CA10: variants seen among roughly 807,000 people sequenced by gnomAD.
The protein encoded by CA10 is carbonic anhydrase 10 (inactive).
A neutral mutation model predicts 44.2 loss-of-function variants in CA10; 14 were observed. That is an observed-to-expected ratio of 0.32 (90% CI 0.21 to 0.50). CA10 has a LOEUF of 0.50. Among genes scored for constraint, CA10 ranks in the 20% least tolerant of loss-of-function variants. CA10 has a pLI of 0.99. For synonymous variants in CA10, 159 were observed against 141.6 expected, an observed-to-expected ratio of 1.12 and a Z score of -0.87; for missense variants, 350 against 409.7, an observed-to-expected ratio of 0.85 and a Z score of 1.26.
chr17:52,118,740 A>G (rs926760987), intron 1 of CA10, among the ~76,000 whole-genome samples: 1 of 152,198 alleles, frequency 6.6e-6, no homozygotes, highest in Non-Finnish European at 1.5e-5. Flanking sequence ...TAAGGTTGAT[A>G]TTATGTTAAG....
intron 1 of CA10, among the ~76,000 whole-genome samples, chr17:52,096,406 T>C (rs567795452): frequency 2.0e-5 from 3 of 152,290 alleles, no homozygotes; most frequent in East Asian, 1.9e-4. Flanking sequence ...CTGGTCTATC[T>C]TGTTTTCCCC....
intron 3 of CA10, among the ~76,000 whole-genome samples, chr17:51,842,553 C>G (rs1163589994): frequency 2.0e-5 from 3 of 152,156 alleles, no homozygotes; most frequent in Admixed American, 6.5e-5. Flanking sequence ...TATGTTACAT[C>G]ATGCGCAGTT....
chr17:51,896,105 T>C (rs1336721312), intron 3 of CA10, among the ~76,000 whole-genome samples: 2 of 152,216 alleles, frequency 1.3e-5, no homozygotes, highest in South Asian at 2.1e-4. Context: ...AGCTTTTATA[T>C]TGGGTTCAGG....
chr17:52,135,036 C>T (rs1989324220), intron 1 of CA10: 2 of 509,030 alleles, frequency 3.9e-6, no homozygotes, highest in Non-Finnish European at 7.9e-6. Context: ...TCCTGACTGC[C>T]CTCCTGAGGT....
At chr17:51,653,790 G>T in intron 4 of CA10, 54 bp from the exon 5 acceptor site, 1 of 1,038,162 alleles carries the variant, frequency 9.6e-7, no homozygotes, top group Non-Finnish European at 1.5e-6. Flanking sequence ...TAAAAGGTAT[G>T]AGGCATAGCA....
intron 2 of CA10, among the ~76,000 whole-genome samples, chr17:52,056,713 T>A (rs542835780): frequency 1.3e-5 from 2 of 152,096 alleles, no homozygotes; most frequent in African/African-American, 4.8e-5. Context: ...GGTTAAAGCA[T>A]CCTGCTGTGT....
intron 1 of CA10, among the ~76,000 whole-genome samples, chr17:52,123,179 A>G (rs1989047556): frequency 6.6e-6 from 1 of 152,198 alleles, no homozygotes; most frequent in Non-Finnish European, 1.5e-5. Context: ...AGATATTTTG[A>G]AATACTGAGT....
intron 7 of CA10, among the ~76,000 whole-genome samples, chr17:51,634,496 T>C (rs1322509453): frequency 2.0e-5 from 3 of 152,182 alleles, no homozygotes; most frequent in Non-Finnish European, 2.9e-5. Context: ...ACTCCCACAG[T>C]CGTAGAATGT....
chr17:52,014,333 T>C (rs867006844), intron 2 of CA10, among the ~76,000 whole-genome samples: 17 of 152,060 alleles, frequency 1.1e-4, no homozygotes, highest in South Asian at 6.2e-4. Context: ...ACATGCATTA[T>C]GTGCAAAGTT....
At chr17:52,095,786 A>G (rs935929218) in intron 1 of CA10, among the ~76,000 whole-genome samples, 2 of 152,078 alleles carry the variant, frequency 1.3e-5, no homozygotes, top group African/African-American at 4.8e-5. Flanking sequence ...TCACTCCCCA[A>G]ACTCCAGCCT....
chr17:51,972,048 G>A (rs555464721), intron 2 of CA10, among the ~76,000 whole-genome samples: 2 of 151,786 alleles, frequency 1.3e-5, no homozygotes, highest in Non-Finnish European at 2.9e-5. Context: ...AGCCTCGGAG[G>A]AAGAAAAAGA....
At chr17:52,036,325 T>G (rs544077339) in intron 2 of CA10, among the ~76,000 whole-genome samples, 10 of 152,174 alleles carry the variant, frequency 6.6e-5, no homozygotes, top group Non-Finnish European at 1.5e-4. Flanking sequence ...AACTGTATCC[T>G]GGGTGCTGTG....
intron 2 of CA10, among the ~76,000 whole-genome samples, chr17:52,022,639 T>C (rs990228867): frequency 1.3e-5 from 2 of 151,712 alleles, no homozygotes; most frequent in Non-Finnish European, 1.5e-5. Context: ...AGAAATAAAA[T>C]GCATCCAAAT....
intron 2 of CA10, among the ~76,000 whole-genome samples, chr17:52,059,084 C>T (rs1326294947): frequency 1.3e-5 from 2 of 152,034 alleles, no homozygotes; most frequent in Non-Finnish European, 2.9e-5. Flanking sequence ...GAGAATATAT[C>T]CATTAAATTC....
At chr17:51,977,121 G>A (rs552745198) in intron 2 of CA10, among the ~76,000 whole-genome samples, 30 of 151,940 alleles carry the variant, frequency 2.0e-4, no homozygotes, top group African/African-American at 6.8e-4. Context: ...TTTAAGAGCT[G>A]TACAATATCC....
rs1295104181 is a variant in CA10, at chr17:51,630,897, C to CAAAG, written c.*683_*686dup. On this transcript the variant is annotated 3_prime_UTR_variant, in exon 9 of 9. Transcript: ENST00000451037. The stretch of plus-strand genomic sequence containing the variant: ...GGCAAATCCTACTACAGATATGTGA[C>CAAAG]AAAGAGGGAAATAATTCCATTTCCT... 2 of 152,642 alleles carry CAAAG rather than the reference C, an allele frequency of 1.3e-5. No individual in the cohort carries two copies. The highest frequency in any genetic ancestry group is 2.9e-5 in the Non-Finnish European group (2 of 68,050). 9.5% of individuals were successfully genotyped at this position (152,642 alleles called of 1,614,324 possible).
intron 3 of CA10, among the ~76,000 whole-genome samples, chr17:51,924,729 G>A (rs1439309477): frequency 6.6e-6 from 1 of 152,068 alleles, no homozygotes; most frequent in African/African-American, 2.4e-5. Flanking sequence ...TCCTCTCCAT[G>A]GTTGGTTCAT....
intron 4 of CA10, among the ~76,000 whole-genome samples, chr17:51,746,547 C>A (rs1904694481): frequency 6.6e-6 from 1 of 152,244 alleles, no homozygotes. Context: ...TTTACCACTT[C>A]TTCCTTTGAG....
At position 51,962,301 on chromosome 17, in the gene CA10, C is replaced by A. The variant is rs185110806; in HGVS notation, c.137-31169G>T. Reference sequence around the variant, plus strand: ...AAAAAAGGTTTCCCAGCCCCTTGCCCAGTCACACCTTTGGGGGCTTGGTGG... The same window carrying A: ...AAAAAAGGTTTCCCAGCCCCTTGCCAAGTCACACCTTTGGGGGCTTGGTGG... On this transcript the variant is annotated intron_variant, in intron 2 of 8. Coordinates refer to ENST00000451037, the MANE Select transcript of CA10 (RefSeq NM_020178.5). 7.3e-4 allele frequency among the ~76,000 whole-genome samples: 111 copies of A among 152,334 alleles called. 1 individual carries two copies. The highest frequency in any genetic ancestry group is 2.4e-3 in the African/African-American group (99 of 41,578).
Sources: gnomAD v4.1 joint callset for allele counts (sites outside exome capture counted in the v4.1 genomes callset) on GRCh38, gnomAD v4.1.1 for gene constraint, MANE v1.5 for transcripts, NCBI Gene and HGNC (gene_info 2026-07-23, HGNC 2026-07-21) for gene names.